Variants in UACA observed in about 807,000 individuals in gnomAD.
UACA encodes nuclear membrane binding protein.
In UACA, 112 loss-of-function variants were observed where a neutral mutation model predicts 160.5. That is an observed-to-expected ratio of 0.70 (90% CI 0.60 to 0.82). The LOEUF is 0.82. Ranked by LOEUF, UACA falls within the 40% of genes least tolerant of loss-of-function variation. The pLI is 0.00. For synonymous variants in UACA, 557 were observed against 568.4 expected, an observed-to-expected ratio of 0.98 and a Z score of 0.29; for missense variants, 1,574 against 1,614.6, an observed-to-expected ratio of 0.97 and a Z score of 0.43.
chr15:70,729,525 G>T (rs535001241), intron 1 of UACA, among the ~76,000 whole-genome samples: 1 of 104,032 alleles, frequency 9.6e-6, no homozygotes, highest in Non-Finnish European at 1.8e-5. Context: ...CCCTTCCGCC[G>T]CCTGTGAAGG....
chr15:70,668,171 T>C lies in UACA; in HGVS notation c.2513A>G (p.Gln838Arg). ...SELKKKCGED[Q>R]EKIHALTSEN... Reference sequence around the variant, plus strand: ...AGATGTGAGAGCGTGTATTTTCTCCTGGTCTTCACCACATTTTTTCTTAAG... The same window carrying C: ...AGATGTGAGAGCGTGTATTTTCTCCCGGTCTTCACCACATTTTTTCTTAAG... The change falls in exon 16 of 19, where the codon CAG (glutamine) becomes CGG (arginine). Residue 838 changes from glutamine (Q) to arginine (R), a missense_variant. Coordinates refer to ENST00000322954, the MANE Select transcript of UACA (RefSeq NM_018003.4). 3 of 1,612,222 alleles carry C rather than the reference T, an allele frequency of 1.9e-6. No individual in the cohort carries two copies. Among genetic ancestry groups the C allele is most frequent in the Non-Finnish European group, 1.7e-6 (2 of 1,179,634 alleles).
intron 16 of UACA, among the ~76,000 whole-genome samples, chr15:70,665,875 T>G (rs952579921): frequency 6.6e-6 from 1 of 152,182 alleles, no homozygotes; most frequent in South Asian, 2.1e-4. Flanking sequence ...CATTTAATCA[T>G]TACATGTTGA....
intron 1 of UACA, among the ~76,000 whole-genome samples, chr15:70,726,453 G>A (rs188222375): frequency 6.6e-6 from 1 of 152,034 alleles, no homozygotes; most frequent in Admixed American, 6.6e-5. Context: ...TTTGCTATTC[G>A]TGTATAAAAC....
At chr15:70,661,233 A>C (rs1027780886) in intron 17 of UACA, 2 of 152,126 alleles carry the variant, frequency 1.3e-5, no homozygotes, top group Non-Finnish European at 2.9e-5. Context: ...CCACACCACT[A>C]ATCTTTCCTT....
intron 1 of UACA, among the ~76,000 whole-genome samples, chr15:70,743,107 A>G (rs1469635379): frequency 6.6e-6 from 1 of 152,188 alleles, no homozygotes; most frequent in Non-Finnish European, 1.5e-5. Context: ...GTTAACCACA[A>G]GCCTCTCTTA....
At chr15:70,669,758 C>T (rs767315396) in intron 15 of UACA, among the ~76,000 whole-genome samples, 9 of 152,162 alleles carry the variant, frequency 5.9e-5, no homozygotes, top group African/African-American at 1.2e-4. Flanking sequence ...TTTCTTCCCC[C>T]ATTCATTAAC....
intron 13 of UACA, among the ~76,000 whole-genome samples, chr15:70,675,205 T>A (rs1266844153): frequency 6.6e-6 from 1 of 152,212 alleles, no homozygotes; most frequent in South Asian, 2.1e-4. Context: ...AGAGTTGATT[T>A]CTTTTTTGAG....
Position 70,667,118 on chromosome 15 carries a change from T to C in UACA, c.3566A>G (p.Glu1189Gly), listed in dbSNP as rs1173449925. ...TTTGTTTTGGCTTTCTTCTTCCTTTTCTCTCAAGCTGGCTTTTATGATTCC... is the reference window on the plus strand; with the variant it reads ...TTTGTTTTGGCTTTCTTCTTCCTTTCCTCTCAAGCTGGCTTTTATGATTCC... Reference protein sequence around the residue: ...EVGIIKASLREKEEESQNKME... With the variant: ...EVGIIKASLRGKEEESQNKME... Residue 1189 changes from glutamate to glycine, a missense_variant, in exon 16 of 19, where the codon GAA becomes GGA. Glu to Gly is a moderately conservative substitution (Grantham distance 98, BLOSUM62 -2). Transcript: ENST00000322954. 1 of 1,613,170 alleles carries C rather than the reference T, an allele frequency of 6.2e-7. No homozygotes were observed.
In UACA at chr15:70,656,279, G is replaced by C. The variant is rs1239400548; in HGVS notation, c.*777C>G. 4.0e-5 allele frequency: 6 copies of C among 151,852 alleles called. No homozygotes were observed. The highest frequency in any genetic ancestry group is 9.7e-5 in the African/African-American group (4 of 41,342). 9.4% of individuals were successfully genotyped at this position (151,852 alleles called of 1,614,324 possible). A position where few individuals can be genotyped will look rare whatever the true frequency, so the allele number is the denominator to read the frequency against. ...AACTAATTGCTAAAAAAAGTCTAAA[G>C]GTTTTCACACTTTGAAAAATCTAGT... On this transcript the variant is annotated 3_prime_UTR_variant, in exon 19 of 19. Coordinates refer to ENST00000322954, the MANE Select transcript of UACA (RefSeq NM_018003.4).
intron 1 of UACA, among the ~76,000 whole-genome samples, chr15:70,735,216 G>A (rs1306644365): frequency 1.4e-5 from 2 of 145,830 alleles, no homozygotes; most frequent in Admixed American, 1.4e-4. Context: ...GGGATGGGGG[G>A]AAGGGCTGAA....
chr15:70,751,461 T>C (rs2030050075), intron 1 of UACA, among the ~76,000 whole-genome samples: 1 of 152,222 alleles, frequency 6.6e-6, no homozygotes, highest in African/African-American at 2.4e-5. Flanking sequence ...CAGTTAGCAA[T>C]ATAAACATGT....
chr15:70,754,000 T>TTCA, intron 1 of UACA: 1 of 396,720 alleles, frequency 2.5e-6, no homozygotes, highest in Non-Finnish European at 5.0e-6. Flanking sequence ...GAGACAGGGT[T>TTCA]TCATCATGTT....
In UACA at chr15:70,657,025, T is replaced by C. The variant is rs773413779; in HGVS notation, c.*31A>G. 8.8e-6 allele frequency: 14 copies of C among 1,599,388 alleles called. No individual in the cohort carries two copies. The highest frequency in any genetic ancestry group is 1.1e-5 in the Non-Finnish European group (13 of 1,166,686). On this transcript the variant is annotated 3_prime_UTR_variant, in exon 19 of 19. Transcript: ENST00000322954. Reference sequence around the variant, plus strand: ...CAAAGAATGTTCAGCACCAGCAAGATAAAACAGATACTGGCAGTCAGTGCT... The same window carrying C: ...CAAAGAATGTTCAGCACCAGCAAGACAAAACAGATACTGGCAGTCAGTGCT...
At chr15:70,687,444 G>T in intron 7 of UACA, 96 bp downstream of exon 7, 1 of 1,171,256 alleles carries the variant, frequency 8.5e-7, no homozygotes, top group Non-Finnish European at 1.3e-6. Flanking sequence ...CCACAGGAAA[G>T]AAAGGCCAAG....
intron 13 of UACA, among the ~76,000 whole-genome samples, chr15:70,675,593 T>A (rs931619521): frequency 6.6e-6 from 1 of 152,270 alleles, no homozygotes; most frequent in Admixed American, 6.5e-5. Context: ...TATCTGCTTT[T>A]GAACTTCATA....
intron 2 of UACA, among the ~76,000 whole-genome samples, chr15:70,696,400 C>T (rs1423739308): frequency 6.6e-6 from 1 of 152,152 alleles, no homozygotes; most frequent in Non-Finnish European, 1.5e-5. Flanking sequence ...CAGTGCCAGT[C>T]AAATGACAAA....
intron 9 of UACA, 114 bp downstream of exon 9, chr15:70,682,644 G>A (rs1287161844): frequency 1.9e-6 from 1 of 521,726 alleles, no homozygotes. Flanking sequence ...TAACTGAGAA[G>A]AGAGATAGAA....
chr15:70,700,318 T>TATACACACACAC (rs565377949), intron 1 of UACA, among the ~76,000 whole-genome samples: 1 of 139,758 alleles, frequency 7.2e-6, no homozygotes. Flanking sequence ...TATATATATA[T>TATACACACACAC]ACACACACAC....
chr15:70,678,133 T>G lies in UACA; in HGVS notation c.965A>C (p.Asp322Ala). ...CTGTAACTGTAAACCATTGACTTTA[T>G]CCAAAAGTATTCTTTGTTCTTGCTG... ...KIQQEQRILL[D>A]KVNGLQLQLN... is the part of the protein sequence containing the mutation. Residue 322 changes from aspartate to alanine, a missense_variant, in exon 11 of 19, where the codon GAT becomes GCT. Asp to Ala is a moderately radical substitution (Grantham distance 126). Coordinates refer to ENST00000322954, the MANE Select transcript of UACA (RefSeq NM_018003.4). 2 of 1,609,620 alleles carry G rather than the reference T, an allele frequency of 1.2e-6. No homozygotes were observed. Among genetic ancestry groups the G allele is most frequent in the Non-Finnish European group, 1.7e-6 (2 of 1,178,950 alleles).
Sources: allele counts gnomAD v4.1 joint callset (sites outside exome capture counted in the v4.1 genomes callset), GRCh38; gene constraint gnomAD v4.1.1; transcripts MANE v1.5; gene names NCBI Gene and HGNC (gene_info 2026-07-23, HGNC 2026-07-21).